GFRAL: variants seen among roughly 807,000 people sequenced by gnomAD.
GFRAL encodes the protein GDNF family receptor alpha-like.
GFRAL carries 36 observed loss-of-function variants against 45.4 expected under a neutral mutation model. The ratio of observed to expected loss-of-function variants is 0.79; its 90% CI spans 0.61 to 1.05. GFRAL has a LOEUF of 1.05. GFRAL is among the 50% of genes least tolerant of loss of function. The pLI is 0.00. For missense variants in GFRAL, 507 were observed against 467.5 expected (o/e 1.08, Z -0.78); for synonymous variants, 166 against 154.1 (o/e 1.08, Z -0.57).
chr6:55,341,443 C>T (rs1367562057), intron 3 of GFRAL, among the ~76,000 whole-genome samples: 1 of 152,220 alleles, frequency 6.6e-6, no homozygotes, highest in African/African-American at 2.4e-5. Flanking sequence ...CAAAGTCCAA[C>T]AGACCTGCAG....
At chr6:55,395,815 C>T (rs1428393258) in intron 6 of GFRAL, among the ~76,000 whole-genome samples, 2 of 151,120 alleles carry the variant, frequency 1.3e-5, no homozygotes, top group Admixed American at 6.6e-5. Context: ...AACAGTAATG[C>T]TCACCTCTCC....
At chr6:55,358,301 TA>T (rs1007759168) in intron 5 of GFRAL, among the ~76,000 whole-genome samples, 2 of 151,946 alleles carry the variant, frequency 1.3e-5, no homozygotes, top group African/African-American at 4.8e-5. Flanking sequence ...ATTCTTATTG[TA>T]AAAAAATTCA....
chr6:55,331,002 G>A (rs1379140534), intron 1 of GFRAL, among the ~76,000 whole-genome samples: 1 of 152,134 alleles, frequency 6.6e-6, no homozygotes, highest in Admixed American at 6.6e-5. Context: ...GTCCACAGTG[G>A]AACAATGATG....
At chr6:55,363,172 A>G (rs1456408174) in intron 6 of GFRAL, among the ~76,000 whole-genome samples, 1 of 152,092 alleles carries the variant, frequency 6.6e-6, no homozygotes, top group Non-Finnish European at 1.5e-5. Context: ...ACAAATTTAA[A>G]GAATACAGAA....
chr6:55,361,757 G>C (rs573740896), intron 6 of GFRAL, among the ~76,000 whole-genome samples: 3 of 151,992 alleles, frequency 2.0e-5, no homozygotes, highest in Admixed American at 6.6e-5. Context: ...TCATTGCCCC[G>C]ACTTCTCACA....
intron 3 of GFRAL, among the ~76,000 whole-genome samples, chr6:55,344,172 T>G (rs1274866864): frequency 6.6e-6 from 1 of 152,022 alleles, no homozygotes; most frequent in Non-Finnish European, 1.5e-5. Flanking sequence ...GAGGGAATGC[T>G]CCCTAACTCA....
chr6:55,394,701 TAGAGGTAACA>T (rs1166574641), intron 6 of GFRAL, among the ~76,000 whole-genome samples: 1 of 152,008 alleles, frequency 6.6e-6, no homozygotes, highest in Non-Finnish European at 1.5e-5. Flanking sequence ...GAGGGAGAAC[TAGAGGTAACA>T]AAATGGTTCC....
At chr6:55,392,714 G>A (rs978526386) in intron 6 of GFRAL, among the ~76,000 whole-genome samples, 2 of 152,012 alleles carry the variant, frequency 1.3e-5, no homozygotes, top group Admixed American at 6.6e-5. Flanking sequence ...ACACACTTGG[G>A]GGCCTGCTAG....
At chr6:55,369,263 C>G (rs113706996) in intron 6 of GFRAL, among the ~76,000 whole-genome samples, 17 of 152,196 alleles carry the variant, frequency 1.1e-4, no homozygotes, top group Non-Finnish European at 2.4e-4. Flanking sequence ...TGACCCCTTG[C>G]GCTTCCCAAG....
rs372028331 is a variant in GFRAL, at chr6:55,399,478, G to T, written c.1121+37G>T. On this transcript the variant is annotated intron_variant, in intron 8 of 8. Coordinates refer to ENST00000340465, the MANE Select transcript of GFRAL (RefSeq NM_207410.2). ...TAAATTAGAAGGAAAGGTCTGAAAG[G>T]GAGTCACTTAGCTGTGTTAAAGCAT... 2.9e-5 allele frequency: 39 copies of T among 1,336,688 alleles called. No homozygotes were observed. The African/African-American group carries it at 5.2e-4, about 18-fold the overall frequency. 82.8% of individuals were successfully genotyped at this position (1,336,688 alleles called of 1,614,324 possible).
chr6:55,363,760 C>T (rs1277852033), intron 6 of GFRAL, among the ~76,000 whole-genome samples: 1 of 151,700 alleles, frequency 6.6e-6, no homozygotes, highest in Non-Finnish European at 1.5e-5. Context: ...CTACAAAGGA[C>T]ATGAACTCAT....
chr6:55,342,506 A>C (rs13213670), intron 3 of GFRAL, among the ~76,000 whole-genome samples: 69,874 of 151,666 alleles, frequency 0.46, 18,284 homozygotes, highest in Non-Finnish European at 0.61. Flanking sequence ...GCCTGCCCTA[A>C]AAGAGCTCCT....
Position 55,394,509 on chromosome 6 carries a change from C to T in GFRAL, c.953-4671C>T, listed in dbSNP as rs183390515. The stretch of plus-strand genomic sequence containing the variant: ...TTTCAGTGGACTAGTGAAGCAAAAA[C>T]CTGTTTGGAAATGTAAAGTGAAATG... On this transcript the variant is annotated intron_variant, in intron 6 of 8. Transcript: ENST00000340465. 4.2e-5 allele frequency among the ~76,000 whole-genome samples: 6 copies of T among 142,162 alleles called. No homozygotes were observed. The East Asian group carries it at 7.9e-4, about 19-fold the overall frequency. 93.3% of individuals were successfully genotyped at this position (142,162 alleles called of 152,430 possible).
At chr6:55,384,252 C>A (rs997940878) in intron 6 of GFRAL, among the ~76,000 whole-genome samples, 1 of 151,722 alleles carries the variant, frequency 6.6e-6, no homozygotes, top group East Asian at 1.9e-4. Flanking sequence ...GCATGTGTAT[C>A]CCAGAACTTA....
intron 3 of GFRAL, among the ~76,000 whole-genome samples, chr6:55,340,736 C>G (rs1249923833): frequency 6.6e-6 from 1 of 152,162 alleles, no homozygotes; most frequent in South Asian, 2.1e-4. Context: ...ATTGCCTCAC[C>G]CGGGAAGCAC....
At position 55,375,034 on chromosome 6, in the gene GFRAL, T is replaced by A. The variant is rs1768505221; in HGVS notation, c.952+15896T>A. On this transcript the variant is annotated intron_variant, in intron 6 of 8. Coordinates refer to ENST00000340465, the MANE Select transcript of GFRAL (RefSeq NM_207410.2). ...TGTTTTGGTTACTGTAGCCTCACAG[T>A]ATAGTTTGAAGTTGGGTAGCGTGAT... Among the ~76,000 whole-genome samples, 3 of 152,128 alleles carry A rather than the reference T, an allele frequency of 2.0e-5. No individual in the cohort carries two copies. In the South Asian group the frequency reaches 6.2e-4, roughly 31 times the overall value.
intron 2 of GFRAL, among the ~76,000 whole-genome samples, 171 bp downstream of exon 2, chr6:55,332,020 G>T (rs1241153886): frequency 6.6e-6 from 1 of 151,992 alleles, no homozygotes; most frequent in African/African-American, 2.4e-5. Context: ...AATTACAAAA[G>T]GATTTTCTTA....
rs1768867854 is a variant in GFRAL at position 55,399,431 on chromosome 6, G to T, written c.1111G>T (p.Val371Phe). The change falls in exon 8 of 9, where the codon GTC becomes TTC. Residue 371 changes from valine to phenylalanine, a missense_variant. Physicochemically the swap from Val to Phe is conservative, Grantham distance 50. Transcript: ENST00000340465. ...VTCGILLLVM[V>F]KLRTSRISSK... ...CTGTGGAATCCTTCTGTTGGTTATG[G>T]TCAAGCTTAGGTAACTGAATATAAA... is the stretch of plus-strand genomic sequence containing the variant. 1 of 1,603,698 alleles carries T rather than the reference G, an allele frequency of 6.2e-7. No homozygotes were observed. The highest frequency in any genetic ancestry group is 2.2e-5 in the East Asian group (1 of 44,746).
chr6:55,376,751 T>TCTAG (rs1414943656), intron 6 of GFRAL, among the ~76,000 whole-genome samples: 1 of 152,030 alleles, frequency 6.6e-6, no homozygotes, highest in African/African-American at 2.4e-5. Flanking sequence ...TCTTTACTAG[T>TCTAG]CTAGCTAGCT....
Sources: gnomAD v4.1 joint callset for allele counts (sites outside exome capture counted in the v4.1 genomes callset) on GRCh38, gnomAD v4.1.1 for gene constraint, MANE v1.5 for transcripts, NCBI Gene and HGNC (gene_info 2026-07-23, HGNC 2026-07-21) for gene names.